The following VAV2 variants were observed in gnomAD, a reference collection of about 807,000 sequenced individuals.
VAV2 encodes guanine nucleotide exchange factor VAV2.
Under a neutral mutation model 132.5 loss-of-function variants are expected in VAV2, and 67 were observed. The ratio of observed to expected loss-of-function variants is 0.51; its 90% CI spans 0.42 to 0.62. The LOEUF (loss-of-function observed/expected upper bound fraction) is 0.62, where lower values mean the gene tolerates loss of function less well. Among genes scored for constraint, VAV2 ranks in the 20% least tolerant of loss-of-function variants. VAV2 has a pLI of 0.00. For missense variants in VAV2, 938 were observed against 1,153.6 expected, an observed-to-expected ratio of 0.81 and a Z score of 2.71; for synonymous variants, 492 against 443.5, an observed-to-expected ratio of 1.11 and a Z score of -1.37.
chr9:133,874,285 C>T (rs1838175626), intron 2 of VAV2, among the ~76,000 whole-genome samples: 1 of 152,242 alleles, frequency 6.6e-6, no homozygotes, highest in African/African-American at 2.4e-5. Context: ...TCTGCGAATG[C>T]TGCTCTCTCA....
At position 133,885,958 on chromosome 9, in the gene VAV2, A is replaced by T. The variant is rs971006121; in HGVS notation, c.322-24526T>A. Among the ~76,000 whole-genome samples the T allele has an allele frequency of 6.6e-6, 1 of 152,198 alleles. No individual in the cohort carries two copies. The highest frequency in any genetic ancestry group is 2.4e-5 in the African/African-American group (1 of 41,448). ...CACCATTAAGGGGACTATGCTAGAC[A>T]ACCAACTTTAAACTTGTTACAAATC... On this transcript the variant is annotated intron_variant, in intron 2 of 29. Transcript: ENST00000371850. The surrounding 1 kb of genome is among the most constrained non-coding windows in gnomAD (Gnocchi z 5.0).
chr9:133,937,104 AAG>A (rs1285088107), intron 2 of VAV2, among the ~76,000 whole-genome samples: 1 of 152,260 alleles, frequency 6.6e-6, no homozygotes, highest in African/African-American at 2.4e-5. Context: ...ACTGTTGGCC[AAG>A]AAGTAGGTTT....
intron 1 of VAV2, among the ~76,000 whole-genome samples, chr9:133,947,888 C>G (rs932262341): frequency 1.3e-5 from 2 of 151,748 alleles, no homozygotes; most frequent in African/African-American, 2.4e-5. Flanking sequence ...CTCCCAGGTT[C>G]AAGCGATTCT....
At chr9:133,962,620 G>A (rs113681317) in intron 1 of VAV2, among the ~76,000 whole-genome samples, 4 of 151,182 alleles carry the variant, frequency 2.6e-5, no homozygotes, top group Non-Finnish European at 2.9e-5. Flanking sequence ...GCCCCTCCCC[G>A]CCCCACCCCC....
At chr9:133,990,911 C>T (rs1842994029) in intron 1 of VAV2, among the ~76,000 whole-genome samples, 1 of 152,168 alleles carries the variant, frequency 6.6e-6, no homozygotes, top group Non-Finnish European at 1.5e-5. Context: ...CGGCCCCTTC[C>T]CCTCTGGGCT....
In VAV2 at chr9:133,791,843, A is replaced by G. The variant is rs1834474936; in HGVS notation, c.1128T>C (p.Val376=). The change falls in exon 13 of 30, where the codon GTT becomes GTC. Residue 376 remains valine, a synonymous_variant. Transcript: ENST00000371850. ...TCCTCAAGGTCTCCTTGTCCCGTTT[A>G]ACTTCATTGATGTACATCGCCAAGT... The part of the protein sequence containing the change: ...MQDLAMYINE[V]KRDKETLRKI... The G allele has an allele frequency of 6.2e-7, 1 of 1,611,370 alleles. No homozygotes were observed. Among genetic ancestry groups the G allele is most frequent in the Non-Finnish European group, 8.5e-7 (1 of 1,179,192 alleles).
chr9:133,776,524 C>A (rs1432958042), intron 23 of VAV2, among the ~76,000 whole-genome samples: 1 of 152,160 alleles, frequency 6.6e-6, no homozygotes, highest in African/African-American at 2.4e-5. Flanking sequence ...AGCCCCCCAC[C>A]CTGGCCTCAC....
In VAV2 at chr9:133,939,089, G is replaced by A. The variant is rs2073886; in HGVS notation, c.321+14C>T. The A allele has an allele frequency of 0.75, 1,216,915 of 1,612,080 alleles. 460,823 individuals carry two copies. The highest frequency in any genetic ancestry group is 0.84 in the Middle Eastern group (5,067 of 6,058). On this transcript the variant is annotated intron_variant, in intron 2 of 29. Coordinates refer to ENST00000371850, the MANE Select transcript of VAV2 (RefSeq NM_001134398.2). ...ACAGCTGAGCGACCGAGGCTGGAGAGAGTGACTGCTCACCTTTCCAAAGTC... is the reference window on the plus strand; with the variant it reads ...ACAGCTGAGCGACCGAGGCTGGAGAAAGTGACTGCTCACCTTTCCAAAGTC...
chr9:133,836,215 C>T (rs1836467006), intron 3 of VAV2, among the ~76,000 whole-genome samples: 1 of 152,210 alleles, frequency 6.6e-6, no homozygotes, highest in African/African-American at 2.4e-5. Flanking sequence ...GGGACTGGCC[C>T]ACACGCAGGT....
At chr9:133,878,392 A>C (rs1298801506) in intron 2 of VAV2, among the ~76,000 whole-genome samples, 1 of 152,236 alleles carries the variant, frequency 6.6e-6, no homozygotes, top group Non-Finnish European at 1.5e-5. Context: ...ATTGTTCAGA[A>C]TCTGGCCAAC....
At chr9:133,909,433 G>C (rs1336375119) in intron 2 of VAV2, among the ~76,000 whole-genome samples, 1 of 152,142 alleles carries the variant, frequency 6.6e-6, no homozygotes, top group Non-Finnish European at 1.5e-5. Flanking sequence ...AATGGATCAG[G>C]GTAGGTCAAC....
intron 2 of VAV2, among the ~76,000 whole-genome samples, chr9:133,899,232 A>C (rs1839344272): frequency 6.6e-6 from 1 of 151,512 alleles, no homozygotes. Context: ...AAGGCCCAGG[A>C]GGAGACGACC....
rs949125004 is a variant in VAV2 at position 133,961,866 on chromosome 9, C to A, written c.205-22647G>T. Among the ~76,000 whole-genome samples the A allele has an allele frequency of 6.6e-6, 1 of 152,102 alleles. No homozygotes were observed. The highest frequency in any genetic ancestry group is 1.5e-5 in the Non-Finnish European group (1 of 67,998). On this transcript the variant is annotated intron_variant, in intron 1 of 29. Coordinates refer to ENST00000371850, the MANE Select transcript of VAV2 (RefSeq NM_001134398.2). The surrounding 1 kb of genome is among the most constrained non-coding windows in gnomAD (Gnocchi z 4.1). ...CAGGCCTAGGCTGGGAACAGGGAGA[C>A]CCTCACCGTGAGCCTCATCCACCCA...
At chr9:133,875,819 AG>A (rs749435115) in intron 2 of VAV2, among the ~76,000 whole-genome samples, 18 of 152,248 alleles carry the variant, frequency 1.2e-4, no homozygotes, top group Non-Finnish European at 2.2e-4. Flanking sequence ...GAGGGCAGGT[AG>A]GACATTACCT....
chr9:133,927,592 AC>A (rs1423350945), intron 2 of VAV2, among the ~76,000 whole-genome samples: 1 of 151,762 alleles, frequency 6.6e-6, no homozygotes, highest in Admixed American at 6.6e-5. Flanking sequence ...CAGCACCCCA[AC>A]TCACCCCCTG....
Position 133,884,842 on chromosome 9 carries a change from A to G in VAV2, c.322-23410T>C, listed in dbSNP as rs1268129040. Reference sequence around the variant, plus strand: ...GCACCACTGGGCAGGCAGCTCTATCAGAGACCACAGGTGCACACAAGCATC... The same window carrying G: ...GCACCACTGGGCAGGCAGCTCTATCGGAGACCACAGGTGCACACAAGCATC... On this transcript the variant is annotated intron_variant, in intron 2 of 29. Transcript: ENST00000371850. This position sits in a 1 kb window ranked among gnomAD's most constrained non-coding sequence, Gnocchi z 5.3. Among the ~76,000 whole-genome samples the G allele has an allele frequency of 6.6e-6, 1 of 152,182 alleles. No homozygotes were observed. The highest frequency in any genetic ancestry group is 1.5e-5 in the Non-Finnish European group (1 of 68,032).
At chr9:133,806,311 A>AC in intron 8 of VAV2, 130 bp from the exon 9 acceptor site, 1 of 750,274 alleles carries the variant, frequency 1.3e-6, no homozygotes, top group East Asian at 2.7e-5. Context: ...CTGGGCCTGC[A>AC]CCCCACATCT....
At chr9:133,902,467 G>A (rs188915390) in intron 2 of VAV2, among the ~76,000 whole-genome samples, 1 of 152,304 alleles carries the variant, frequency 6.6e-6, no homozygotes, top group African/African-American at 2.4e-5. Context: ...AGATGTTTCT[G>A]TTCTCCCAGA....
intron 23 of VAV2, among the ~76,000 whole-genome samples, chr9:133,776,619 G>C (rs1037512651): frequency 2.6e-5 from 4 of 152,162 alleles, no homozygotes. Flanking sequence ...TGAGGCCTGG[G>C]GAAGGGAAGG....
Sources: gnomAD v4.1 joint callset for allele counts (sites outside exome capture counted in the v4.1 genomes callset) on GRCh38, gnomAD v4.1.1 for gene constraint, Gnocchi (gnomAD v3.1) non-coding constraint, MANE v1.5 for transcripts, NCBI Gene and HGNC (gene_info 2026-07-23, HGNC 2026-07-21) for gene names.